ATOH8: variants seen among roughly 807,000 people sequenced by gnomAD.
ATOH8 encodes atonal bHLH transcription factor 8.
Under a neutral mutation model 21.2 loss-of-function variants are expected in ATOH8, and 9 were observed. The observed-to-expected ratio is 0.42, with a 90% CI of 0.26 to 0.74. The LOEUF is 0.74. ATOH8 is among the 30% of genes least tolerant of loss of function. ATOH8 has a pLI of 0.24. For missense variants in ATOH8, 524 were observed against 470.9 expected, an observed-to-expected ratio of 1.11 and a Z score of -1.04; for synonymous variants, 253 against 224.0, an observed-to-expected ratio of 1.13 and a Z score of -1.16.
At chr2:85,771,618 G>C (rs1295739718) in intron 2 of ATOH8, among the ~76,000 whole-genome samples, 1 of 152,062 alleles carries the variant, frequency 6.6e-6, no homozygotes, top group Non-Finnish European at 1.5e-5. Flanking sequence ...CTTAGCATAG[G>C]GTGCAGCCTG....
At position 85,775,011 on chromosome 2, in the gene ATOH8, A is replaced by G. The variant is rs369121684; in HGVS notation, c.960+10829A>G. The G allele has an allele frequency of 1.7e-4, 167 of 985,418 alleles. 1 individual carries two copies. The African/African-American group carries it at 2.8e-3, about 17-fold the overall frequency. The allele number at this position is 985,418 out of a possible 1,614,324, so 61.0% of individuals were successfully genotyped here. On this transcript the variant is annotated intron_variant, in intron 2 of 2. Transcript: ENST00000306279. Reference sequence around the variant, plus strand: ...TTTTGGTCTAATTCAGGAGAGCATCATGTGATATGCTTTTAAAGTAATGAG... The same window carrying G: ...TTTTGGTCTAATTCAGGAGAGCATCGTGTGATATGCTTTTAAAGTAATGAG...
chr2:85,781,639 G>A lies in ATOH8; in HGVS notation c.961-5246G>A, dbSNP rs371877109. 2.8e-4 allele frequency among the ~76,000 whole-genome samples: 43 copies of A among 152,150 alleles called. No individual in the cohort carries two copies. The East Asian group carries it at 5.0e-3, about 18-fold the overall frequency. On this transcript the variant is annotated intron_variant, in intron 2 of 2. Coordinates refer to ENST00000306279, the MANE Select transcript of ATOH8 (RefSeq NM_032827.7). ...ATCTGTAATCCTAGCACTTTGGGAG[G>A]CTGAGGTTGGAGGATCGCTTGAGCC...
chr2:85,779,987 T>C (rs951911128), intron 2 of ATOH8, among the ~76,000 whole-genome samples: 30 of 151,866 alleles, frequency 2.0e-4, no homozygotes, highest in African/African-American at 7.0e-4. Context: ...CGTAAGGGGA[T>C]GTAGGAGGAA....
At chr2:85,755,014 T>TGGGCGAGTGGCCGGGGCGGGA in intron 1 of ATOH8, 57 bp downstream of exon 1, 1 of 1,508,844 alleles carries the variant, frequency 6.6e-7, no homozygotes, top group Non-Finnish European at 8.8e-7. Context: ...CGGGAATGGG[T>TGGGCGAGTGGCCGGGGCGGGA]GGGCGAGTGG....
chr2:85,772,693 C>G (rs1680219325), intron 2 of ATOH8: 2 of 456,634 alleles, frequency 4.4e-6, no homozygotes, highest in African/African-American at 4.0e-5. Context: ...GCAAAAGGTT[C>G]TTTGTGAGAG....
At chr2:85,780,942 G>T in intron 2 of ATOH8, 1 of 987,276 alleles carries the variant, frequency 1.0e-6, no homozygotes, top group Non-Finnish European at 1.2e-6. Flanking sequence ...GCTGGAGGCC[G>T]ACTGGTCCAT....
intron 2 of ATOH8, among the ~76,000 whole-genome samples, chr2:85,777,406 T>TC (rs960552553): frequency 4.1e-4 from 63 of 151,992 alleles, no homozygotes; most frequent in African/African-American, 1.5e-3. Flanking sequence ...AGTGGCCTCA[T>TC]CGAATAAGAA....
chr2:85,754,616 C>G lies in ATOH8; in HGVS notation c.427C>G (p.Gln143Glu), dbSNP rs773908767. Residue 143 changes from glutamine (Q) to glutamate (E), a missense_variant, in exon 1 of 3, where the codon CAG (glutamine) becomes GAG (glutamate). Gln to Glu is a conservative substitution (Grantham distance 29, BLOSUM62 2). Transcript: ENST00000306279. ...CCAGGCACCTGGGGGCCCAGAGGCA[C>G]AGCCTTTCCGGGAGCCGGGTCTGCG... Reference protein sequence around the residue: ...QSQAPGGPEAQPFREPGLRPR... With the variant: ...QSQAPGGPEAEPFREPGLRPR... 247 of 1,499,018 alleles carry G rather than the reference C, an allele frequency of 1.6e-4. No homozygotes were observed. Among genetic ancestry groups the G allele is most frequent in the Admixed American group, 2.1e-4 (9 of 43,884 alleles). 92.9% of individuals were successfully genotyped at this position (1,499,018 alleles called of 1,614,324 possible).
At position 85,762,076 on chromosome 2, in the gene ATOH8, C is replaced by G. The variant is rs1280123607; in HGVS notation, c.769-1915C>G. On this transcript the variant is annotated intron_variant, in intron 1 of 2. Coordinates refer to ENST00000306279, the MANE Select transcript of ATOH8 (RefSeq NM_032827.7). ...CTGGCTTCTCACCTCCTCTGGAGCC[C>G]CTCTTTGAGGACCTTCTGCAAGACC... Among the ~76,000 whole-genome samples the G allele has an allele frequency of 2.6e-5, 4 of 152,290 alleles. 1 individual carries two copies. In the South Asian group the frequency reaches 6.2e-4, roughly 24 times the overall value.
At position 85,788,252 on chromosome 2, in the gene ATOH8, C is replaced by T. The variant is rs1470651409; in HGVS notation, c.*1362C>T. On this transcript the variant is annotated 3_prime_UTR_variant, in exon 3 of 3. Coordinates refer to ENST00000306279, the MANE Select transcript of ATOH8 (RefSeq NM_032827.7). ...AGGGCGGTTCCCACAGTAGTCTCAG[C>T]CTGGACTAGTGACCAGGAGGCCTGG... Among the ~76,000 whole-genome samples, 2 of 151,950 alleles carry T rather than the reference C, an allele frequency of 1.3e-5. No individual in the cohort carries two copies. Among genetic ancestry groups the T allele is most frequent in the Non-Finnish European group, 2.9e-5 (2 of 67,998 alleles).
chr2:85,755,709 C>A (rs1414819014), intron 1 of ATOH8, among the ~76,000 whole-genome samples: 1 of 152,042 alleles, frequency 6.6e-6, no homozygotes, highest in Non-Finnish European at 1.5e-5. Context: ...CCAGACAGTG[C>A]CCCTGCGCAG....
Position 85,790,410 on chromosome 2 carries a change from G to C in ATOH8, c.*3520G>C, listed in dbSNP as rs897317010. 6.6e-5 allele frequency among the ~76,000 whole-genome samples: 10 copies of C among 152,230 alleles called. No individual in the cohort carries two copies. The highest frequency in any genetic ancestry group is 2.9e-5 in the Non-Finnish European group (2 of 68,044). ...TTGGAGATCTCAGCTCACAGGCCAA[G>C]CTTTGCAAGACTCTCCAAAGACTGC... On this transcript the variant is annotated 3_prime_UTR_variant, in exon 3 of 3. Transcript: ENST00000306279.
chr2:85,786,771 C>T, intron 2 of ATOH8, 114 bp from the exon 3 acceptor site: 1 of 1,500,820 alleles, frequency 6.7e-7, no homozygotes, highest in Non-Finnish European at 9.2e-7. Flanking sequence ...TCGAACCCTT[C>T]AAGGTGGGGG....
intron 1 of ATOH8, among the ~76,000 whole-genome samples, chr2:85,757,602 C>T (rs1311496323): frequency 6.6e-6 from 1 of 152,190 alleles, no homozygotes; most frequent in Non-Finnish European, 1.5e-5. Context: ...AAACTGGAGG[C>T]CAGGCATTGA....
rs1438518930 is a variant in ATOH8, at chr2:85,787,689, C to G, written c.*799C>G. On this transcript the variant is annotated 3_prime_UTR_variant, in exon 3 of 3. Transcript: ENST00000306279. ...TATGGGTCTTTGCTTCCCCAGCCAG[C>G]CTCTCCTCACTGTGACCCACCCCCA... The G allele has an allele frequency of 6.5e-6, 1 of 152,962 alleles. No homozygotes were observed. Among genetic ancestry groups the G allele is most frequent in the Non-Finnish European group, 1.5e-5 (1 of 68,274 alleles). The allele number at this position is 152,962 out of a possible 1,614,324, so 9.5% of individuals were successfully genotyped here. A position where few individuals can be genotyped will look rare whatever the true frequency, so the allele number is the denominator to read the frequency against.
intron 2 of ATOH8, chr2:85,772,479 G>A (rs1374396097): frequency 1.2e-5 from 4 of 330,174 alleles, no homozygotes; most frequent in African/African-American, 4.4e-5. Flanking sequence ...CTGGCGCCAC[G>A]GAGGGCAGAG....
intron 2 of ATOH8, among the ~76,000 whole-genome samples, chr2:85,781,704 C>T (rs755885668): frequency 1.1e-4 from 17 of 151,904 alleles, no homozygotes; most frequent in South Asian, 4.2e-4. Flanking sequence ...AGTGAGACTC[C>T]GTCTCTACAA....
In ATOH8 at chr2:85,788,390, C is replaced by T. The variant is rs917409143; in HGVS notation, c.*1500C>T. On this transcript the variant is annotated 3_prime_UTR_variant, in exon 3 of 3. Transcript: ENST00000306279. ...CGTTTCACAGATGGGGTAACTGAGG[C>T]CTCAAGTAGACAGGGTCAGTCGGTG... Among the ~76,000 whole-genome samples the T allele has an allele frequency of 2.0e-5, 3 of 152,046 alleles. No homozygotes were observed. The East Asian group carries it at 5.8e-4, about 29-fold the overall frequency.
At chr2:85,772,621 C>T (rs1446726590) in intron 2 of ATOH8, 6 of 432,272 alleles carry the variant, frequency 1.4e-5, no homozygotes, top group South Asian at 1.0e-4. Flanking sequence ...CTTTCAGAGC[C>T]TCATCATCAC....
Sources: allele counts gnomAD v4.1 joint callset (sites outside exome capture counted in the v4.1 genomes callset), GRCh38; gene constraint gnomAD v4.1.1; transcripts MANE v1.5; gene names NCBI Gene and HGNC (gene_info 2026-07-23, HGNC 2026-07-21).